Variants in ARHGAP28 observed in about 807,000 individuals in gnomAD.
ARHGAP28 encodes rho GTPase-activating protein 28.
A neutral mutation model predicts 90.7 loss-of-function variants in ARHGAP28; 56 were observed. The ratio of observed to expected loss-of-function variants is 0.62; its 90% CI spans 0.50 to 0.77. ARHGAP28 has a LOEUF of 0.77. Ranked by LOEUF, ARHGAP28 falls within the 30% of genes least tolerant of loss-of-function variation. ARHGAP28 has a pLI of 0.00. For missense variants in ARHGAP28, 869 were observed against 900.9 expected (o/e 0.96, Z 0.45); for synonymous variants, 308 against 323.3 (o/e 0.95, Z 0.51).
At chr18:6,883,207 G>A (rs1453973530) in intron 11 of ARHGAP28, among the ~76,000 whole-genome samples, 1 of 151,250 alleles carries the variant, frequency 6.6e-6, no homozygotes, top group African/African-American at 2.4e-5. Flanking sequence ...GCTTTAATGC[G>A]AAAACTCTCA....
chr18:6,876,695 C>G (rs1023318330), intron 10 of ARHGAP28, among the ~76,000 whole-genome samples: 1 of 152,180 alleles, frequency 6.6e-6, no homozygotes, highest in Non-Finnish European at 1.5e-5. Context: ...TTAGTGAAAG[C>G]TCTTACAGGA....
intron 4 of ARHGAP28, among the ~76,000 whole-genome samples, chr18:6,859,225 T>C (rs2056978349): frequency 6.6e-6 from 1 of 152,130 alleles, no homozygotes; most frequent in African/African-American, 2.4e-5. Flanking sequence ...ATCAAAAAGT[T>C]GGAGTTGTTT....
intron 1 of ARHGAP28, among the ~76,000 whole-genome samples, chr18:6,770,428 G>C (rs528320454): frequency 2.0e-5 from 3 of 152,274 alleles, no homozygotes; most frequent in South Asian, 4.2e-4. Flanking sequence ...GGCATCCCCA[G>C]GGTAGGATGT....
At chr18:6,739,309 G>A (rs1017186327) in intron 1 of ARHGAP28, among the ~76,000 whole-genome samples, 1 of 152,064 alleles carries the variant, frequency 6.6e-6, no homozygotes, top group African/African-American at 2.4e-5. Context: ...AATATTCAGT[G>A]TTGATTTAGT....
intron 1 of ARHGAP28, among the ~76,000 whole-genome samples, chr18:6,805,772 A>C (rs993006578): frequency 6.6e-6 from 1 of 152,104 alleles, no homozygotes; most frequent in Non-Finnish European, 1.5e-5. Context: ...GGCATGAGCC[A>C]CCATGCCTGG....
chr18:6,814,247 G>A (rs2056575700), intron 1 of ARHGAP28, among the ~76,000 whole-genome samples: 1 of 152,188 alleles, frequency 6.6e-6, no homozygotes, highest in Non-Finnish European at 1.5e-5. Flanking sequence ...GAGGGCCCAT[G>A]AGGAGGAAAG....
intron 11 of ARHGAP28, among the ~76,000 whole-genome samples, chr18:6,884,861 A>G (rs561878869): frequency 2.1e-4 from 32 of 152,310 alleles, no homozygotes; most frequent in Middle Eastern, 6.8e-3. Flanking sequence ...ATCATATTTA[A>G]GAAGGGTATA....
intron 1 of ARHGAP28, among the ~76,000 whole-genome samples, chr18:6,777,176 G>A (rs1249226609): frequency 6.6e-6 from 1 of 152,130 alleles, no homozygotes; most frequent in East Asian, 1.9e-4. Context: ...TGAACACTGG[G>A]TGTACAGCAA....
At chr18:6,873,305 A>G in intron 7 of ARHGAP28, 104 bp from the exon 8 acceptor site, 1 of 957,944 alleles carries the variant, frequency 1.0e-6, no homozygotes. Flanking sequence ...TTTCCAAAGA[A>G]CACGTTCTAC....
At chr18:6,872,685 C>A (rs1377366734) in intron 7 of ARHGAP28, among the ~76,000 whole-genome samples, 1 of 151,970 alleles carries the variant, frequency 6.6e-6, no homozygotes, top group Non-Finnish European at 1.5e-5. Context: ...TGCTGAAATT[C>A]TTCACAATAT....
intron 1 of ARHGAP28, among the ~76,000 whole-genome samples, chr18:6,804,038 C>G (rs1306153025): frequency 3.3e-5 from 5 of 152,168 alleles, no homozygotes; most frequent in Non-Finnish European, 5.9e-5. Flanking sequence ...CTCGGCCTCC[C>G]AAAGTGCTGG....
intron 3 of ARHGAP28, chr18:6,850,782 G>A: frequency 6.6e-7 from 1 of 1,511,728 alleles, no homozygotes; most frequent in Non-Finnish European, 8.8e-7. Flanking sequence ...AAAAGAAAGT[G>A]GGTTTTGGCA....
At chr18:6,845,601 G>A (rs1225657617) in intron 3 of ARHGAP28, among the ~76,000 whole-genome samples, 1 of 152,094 alleles carries the variant, frequency 6.6e-6, no homozygotes, top group Non-Finnish European at 1.5e-5. Context: ...GCCCCACTGT[G>A]TGCTGTTTCC....
chr18:6,840,583 G>A (rs2056799000), intron 3 of ARHGAP28, among the ~76,000 whole-genome samples: 2 of 152,252 alleles, frequency 1.3e-5, no homozygotes, highest in African/African-American at 4.8e-5. Context: ...CTAACTCCTG[G>A]AAAGACCAAA....
At chr18:6,886,631 C>T (rs1015931450) in intron 11 of ARHGAP28, among the ~76,000 whole-genome samples, 2 of 152,194 alleles carry the variant, frequency 1.3e-5, no homozygotes, top group African/African-American at 4.8e-5. Context: ...ATCCTCATAA[C>T]AGCCTGTGAG....
At chr18:6,759,045 ATACT>A (rs1215891329) in intron 1 of ARHGAP28, among the ~76,000 whole-genome samples, 3 of 152,242 alleles carry the variant, frequency 2.0e-5, no homozygotes, top group East Asian at 1.9e-4. Context: ...TTTAAATTTA[ATACT>A]TAGTATGTAT....
At chr18:6,877,351 C>T (rs2057139284) in intron 10 of ARHGAP28, among the ~76,000 whole-genome samples, 1 of 152,188 alleles carries the variant, frequency 6.6e-6, no homozygotes, top group African/African-American at 2.4e-5. Context: ...TGGGGTGAGG[C>T]TCTAACCACG....
At chr18:6,818,483 G>C (rs1267733526) in intron 1 of ARHGAP28, among the ~76,000 whole-genome samples, 1 of 152,142 alleles carries the variant, frequency 6.6e-6, no homozygotes, top group Non-Finnish European at 1.5e-5. Context: ...AGACAAACAT[G>C]GTTCCTCTAT....
At chr18:6,874,397 T>TA (rs1182097585) in intron 9 of ARHGAP28, among the ~76,000 whole-genome samples, 2 of 152,224 alleles carry the variant, frequency 1.3e-5, no homozygotes, top group Admixed American at 1.3e-4. Context: ...TATAAAATGC[T>TA]AATATCTCTG....
Sources: gnomAD v4.1 joint callset for allele counts (sites outside exome capture counted in the v4.1 genomes callset) on GRCh38, gnomAD v4.1.1 for gene constraint, MANE v1.5 for transcripts, NCBI Gene and HGNC (gene_info 2026-07-23, HGNC 2026-07-21) for gene names.